The following CNTNAP4 variants were observed in gnomAD, a reference collection of about 807,000 sequenced individuals.
CNTNAP4 encodes the protein contactin associated protein family member 4.
A neutral mutation model predicts 148.4 loss-of-function variants in CNTNAP4; 98 were observed. That is an observed-to-expected ratio of 0.66 (90% confidence interval 0.56 to 0.78). The LOEUF is 0.78. Among genes scored for constraint, CNTNAP4 ranks in the 30% least tolerant of loss-of-function variants. CNTNAP4 has a pLI of 0.00. For missense variants in CNTNAP4, 1,935 were observed against 1,565.6 expected, an observed-to-expected ratio of 1.24 and a Z score of -3.98; for synonymous variants, 730 against 565.1, an observed-to-expected ratio of 1.29 and a Z score of -4.14.
chr16:76,483,358 C>T (rs181132581), intron 12 of CNTNAP4, among the ~76,000 whole-genome samples: 1 of 152,018 alleles, frequency 6.6e-6, no homozygotes, highest in African/African-American at 2.4e-5. Flanking sequence ...ACAAATTACT[C>T]CTGGGGGAAT....
Position 76,355,359 on chromosome 16 carries a change from T to C in CNTNAP4, c.238T>C (p.Trp80Arg). ...WSPLVSNKYQ[W>R]LQIDLGERME... Reference sequence around the variant, plus strand: ...TCCACTTGTGTCTAACAAATACCAGTGGTTGCAGATTGACCTTGGAGAGAG... The same window carrying C: ...TCCACTTGTGTCTAACAAATACCAGCGGTTGCAGATTGACCTTGGAGAGAG... Residue 80 changes from tryptophan to arginine, a missense_variant, in exon 3 of 24, where the codon TGG becomes CGG. Coordinates refer to ENST00000611870, the MANE Select transcript of CNTNAP4 (RefSeq NM_033401.5). 6.2e-7 allele frequency: 1 copy of C among 1,601,986 alleles called. No individual in the cohort carries two copies. The highest frequency in any genetic ancestry group is 1.1e-5 in the South Asian group (1 of 89,632).
At position 76,521,345 on chromosome 16, in the gene CNTNAP4, C is replaced by A; in HGVS notation, c.2536+35C>A. The A allele has an allele frequency of 3.3e-6, 5 of 1,535,492 alleles. No homozygotes were observed. In the South Asian group the frequency reaches 6.1e-5, roughly 19 times the overall value. On this transcript the variant is annotated intron_variant, in intron 16 of 23. Transcript: ENST00000611870. ...CTTTTCCAGAGAAGTGTATGAGATT[C>A]TATCATTTAGTAGTAAATCTTTTAA...
At chr16:76,539,560 A>G (rs1281809882) in intron 19 of CNTNAP4, among the ~76,000 whole-genome samples, 159 bp from the exon 20 acceptor site, 1 of 152,024 alleles carries the variant, frequency 6.6e-6, no homozygotes, top group East Asian at 1.9e-4. Flanking sequence ...CATTATTGCA[A>G]TTTCACTTGG....
At chr16:76,467,269 C>T (rs921296674) in intron 9 of CNTNAP4, 83 bp from the exon 10 acceptor site, 1 of 1,236,816 alleles carries the variant, frequency 8.1e-7, no homozygotes, top group African/African-American at 1.5e-5. Flanking sequence ...ATGCCTCTTT[C>T]TTTTATTTTT....
Position 76,553,511 on chromosome 16 carries a change from A to G in CNTNAP4, c.3661+10A>G, listed in dbSNP as rs1481396557. Reference sequence around the variant, plus strand: ...ACACACTCGTTTGCAGGTGACTTAGAGTTCTTCCTCTACTCAGTCACAGAC... The same window carrying G: ...ACACACTCGTTTGCAGGTGACTTAGGGTTCTTCCTCTACTCAGTCACAGAC... On this transcript the variant is annotated intron_variant, in intron 22 of 23. Coordinates refer to ENST00000611870, the MANE Select transcript of CNTNAP4 (RefSeq NM_033401.5). 92 of 1,587,470 alleles carry G rather than the reference A, an allele frequency of 5.8e-5. No individual in the cohort carries two copies. The highest frequency in any genetic ancestry group is 7.8e-5 in the Non-Finnish European group (91 of 1,160,362).
At chr16:76,484,875 T>C (rs1012147062) in intron 12 of CNTNAP4, among the ~76,000 whole-genome samples, 12 of 152,190 alleles carry the variant, frequency 7.9e-5, no homozygotes, top group Non-Finnish European at 1.2e-4. Flanking sequence ...CAAATATGTG[T>C]CTTATTAAAA....
At chr16:76,364,853 T>G (rs2013916465) in intron 3 of CNTNAP4, among the ~76,000 whole-genome samples, 1 of 152,234 alleles carries the variant, frequency 6.6e-6, no homozygotes, top group Non-Finnish European at 1.5e-5. Flanking sequence ...TAGTTTCTTT[T>G]GCTGTGCAGA....
At chr16:76,356,028 C>T (rs1434048792) in intron 3 of CNTNAP4, among the ~76,000 whole-genome samples, 1 of 151,892 alleles carries the variant, frequency 6.6e-6, no homozygotes, top group Non-Finnish European at 1.5e-5. Context: ...TCGCCCACAA[C>T]CACACCCGGC....
intron 23 of CNTNAP4, among the ~76,000 whole-genome samples, chr16:76,554,247 G>A (rs762235031): frequency 8.5e-5 from 13 of 152,154 alleles, no homozygotes; most frequent in Middle Eastern, 3.4e-3. Context: ...AGTAAATTTC[G>A]TTTTTCTTCA....
chr16:76,521,944 G>A (rs2144107534), intron 16 of CNTNAP4, 95 bp from the exon 17 acceptor site: 5 of 1,096,456 alleles, frequency 4.6e-6, no homozygotes, highest in South Asian at 3.9e-5. Context: ...TCTGTTCAGC[G>A]ATTGTTACGC....
chr16:76,374,739 A>G (rs897516183), intron 3 of CNTNAP4, among the ~76,000 whole-genome samples: 2 of 135,130 alleles, frequency 1.5e-5, no homozygotes, highest in Admixed American at 7.4e-5. Flanking sequence ...CTTGACTATG[A>G]CACTATTATT....
chr16:76,280,927 T>A (rs746837017), intron 1 of CNTNAP4, among the ~76,000 whole-genome samples: 2 of 152,182 alleles, frequency 1.3e-5, no homozygotes, highest in Non-Finnish European at 2.9e-5. Context: ...GCTTTTATTT[T>A]AACTCTTGCA....
intron 2 of CNTNAP4, among the ~76,000 whole-genome samples, chr16:76,352,701 AG>A (rs951385997): frequency 3.3e-5 from 5 of 152,206 alleles, no homozygotes; most frequent in African/African-American, 1.2e-4. Flanking sequence ...GAATAAGTAG[AG>A]GAGGATGGAT....
chr16:76,309,830 G>A (rs1344622719), intron 1 of CNTNAP4: 1 of 700,010 alleles, frequency 1.4e-6, no homozygotes. Context: ...GGTTGCTCAG[G>A]GGTTTCCGCT....
chr16:76,461,960 C>G lies in CNTNAP4; in HGVS notation c.1338C>G (p.Val446=). The G allele has an allele frequency of 1.2e-6, 2 of 1,613,284 alleles. No homozygotes were observed. Among genetic ancestry groups the G allele is most frequent in the Non-Finnish European group, 8.5e-7 (1 of 1,179,484 alleles). ...GKLPSDITAG[V]ELNDGQWHSV... is the part of the protein sequence containing the mutation. Reference sequence around the variant, plus strand: ...TAACTGATTTCATCTCCCTAGGTGTCGAATTAAATGATGGGCAGTGGCATT... The same window carrying G: ...TAACTGATTTCATCTCCCTAGGTGTGGAATTAAATGATGGGCAGTGGCATT... Residue 446 remains valine, a synonymous_variant, in exon 9 of 24, where the codon GTC becomes GTG. Coordinates refer to ENST00000611870, the MANE Select transcript of CNTNAP4 (RefSeq NM_033401.5).
intron 3 of CNTNAP4, among the ~76,000 whole-genome samples, chr16:76,417,439 C>T (rs950782453): frequency 2.6e-5 from 4 of 151,370 alleles, no homozygotes; most frequent in African/African-American, 9.7e-5. Context: ...TACTATTCTA[C>T]TTATTATATA....
chr16:76,447,951 A>T, intron 4 of CNTNAP4, 61 bp from the exon 5 acceptor site: 1 of 1,262,502 alleles, frequency 7.9e-7, no homozygotes, highest in Non-Finnish European at 1.1e-6. Context: ...TAATGCATTT[A>T]AAATGATTTA....
In CNTNAP4 at chr16:76,404,181, TAA is replaced by T. The variant is rs532103674; in HGVS notation, c.391-23265_391-23264del. Among the ~76,000 whole-genome samples the T allele has an allele frequency of 1.5e-3, 223 of 151,796 alleles. 1 individual carries two copies. Among genetic ancestry groups the T allele is most frequent in the African/African-American group, 5.3e-3 (220 of 41,368 alleles). On this transcript the variant is annotated intron_variant, in intron 3 of 23. Transcript: ENST00000611870. ...CACATGCACCCTTGAACTTAAAAGTTAAAAAAATTCAGTAAAGTAAATGTTGT... is the reference window on the plus strand; with the variant it reads ...CACATGCACCCTTGAACTTAAAAGTTAAAAATTCAGTAAAGTAAATGTTGT...
chr16:76,408,572 A>T (rs1346825431), intron 3 of CNTNAP4, among the ~76,000 whole-genome samples: 3 of 151,968 alleles, frequency 2.0e-5, no homozygotes, highest in Admixed American at 6.6e-5. Flanking sequence ...TTTGAAGCAA[A>T]TTTAAAACTT....
Sources: gnomAD v4.1 joint callset for allele counts (sites outside exome capture counted in the v4.1 genomes callset) on GRCh38, gnomAD v4.1.1 for gene constraint, MANE v1.5 for transcripts, NCBI Gene and HGNC (gene_info 2026-07-23, HGNC 2026-07-21) for gene names.